Variants in ANKS1B observed in about 807,000 individuals in gnomAD.
The protein encoded by ANKS1B is ankyrin repeat and sterile alpha motif domain-containing protein 1B.
Under a neutral mutation model 148.3 loss-of-function variants are expected in ANKS1B, and 36 were observed. That is an observed-to-expected ratio of 0.24 (90% CI 0.19 to 0.32). The LOEUF is 0.32. Ranked by LOEUF, ANKS1B falls within the 10% of genes least tolerant of loss-of-function variation. The probability of loss-of-function intolerance (pLI) is 1.00; values close to 1 mark genes in which losing one functional copy is unlikely to be tolerated. For missense variants in ANKS1B, 1,157 were observed against 1,542.6 expected (o/e 0.75, Z 4.19); for synonymous variants, 542 against 560.8 (o/e 0.97, Z 0.47).
chr12:99,228,290 ATTTAC>A (rs1292024839), intron 14 of ANKS1B, among the ~76,000 whole-genome samples: 1 of 152,142 alleles, frequency 6.6e-6, no homozygotes, highest in Admixed American at 6.6e-5. Context: ...TTCATAAGTT[ATTTAC>A]TTTACTAAAG....
chr12:98,827,092 T>G (rs576509949), intron 19 of ANKS1B, among the ~76,000 whole-genome samples: 12 of 152,306 alleles, frequency 7.9e-5, no homozygotes, highest in African/African-American at 2.9e-4. Context: ...AAAGCAGTAT[T>G]TTTAAGAGGT....
chr12:98,961,660 CA>C (rs1159576600), intron 17 of ANKS1B, among the ~76,000 whole-genome samples: 1 of 151,906 alleles, frequency 6.6e-6, no homozygotes, highest in Non-Finnish European at 1.5e-5. Flanking sequence ...ATCAACCAAT[CA>C]AAAATAATAA....
intron 1 of ANKS1B, among the ~76,000 whole-genome samples, chr12:99,863,362 T>A: frequency 6.6e-6 from 1 of 152,144 alleles, no homozygotes; most frequent in Admixed American, 6.6e-5. Context: ...ATTCTCTCAA[T>A]CCTTCAAGCA....
chr12:99,644,934 G>A lies in ANKS1B; in HGVS notation c.1272+10133C>T, dbSNP rs369848251. Among the ~76,000 whole-genome samples, 272 of 152,088 alleles carry A rather than the reference G, an allele frequency of 1.8e-3. 7 individuals are homozygous for A. The South Asian group carries it at 0.047, about 26-fold the overall frequency. ...CTACTTCCATCATCACATATCTTCT[G>A]ACTCTGACCCTGCTGCCTTTCTCTT... On this transcript the variant is annotated intron_variant, in intron 9 of 26. Coordinates refer to ENST00000683438, the MANE Select transcript of ANKS1B (RefSeq NM_001352186.2).
At chr12:99,929,779 C>G (rs1303394998) in intron 1 of ANKS1B, among the ~76,000 whole-genome samples, 6 of 152,076 alleles carry the variant, frequency 3.9e-5, no homozygotes, top group Non-Finnish European at 8.8e-5. Context: ...GCTTGTTTTT[C>G]TCAGGTTTGT....
At chr12:98,878,761 C>A (rs1318206743) in intron 17 of ANKS1B, among the ~76,000 whole-genome samples, 3 of 152,152 alleles carry the variant, frequency 2.0e-5, no homozygotes, top group Non-Finnish European at 4.4e-5. Flanking sequence ...ATAATTGATA[C>A]AACCGATAAT....
chr12:99,248,261 A>C lies in ANKS1B; in HGVS notation c.1757-1397T>G, dbSNP rs938099825. ...GTGAAGATTGGCCCCAGGTGTCTATACTGCTCTCCGCCTGGGAACTGGTGA... is the reference window on the plus strand; with the variant it reads ...GTGAAGATTGGCCCCAGGTGTCTATCCTGCTCTCCGCCTGGGAACTGGTGA... On this transcript the variant is annotated intron_variant, in intron 12 of 26. Coordinates refer to ENST00000683438, the MANE Select transcript of ANKS1B (RefSeq NM_001352186.2). Among the ~76,000 whole-genome samples, 67 of 152,208 alleles carry C rather than the reference A, an allele frequency of 4.4e-4. 1 individual carries two copies. Among genetic ancestry groups the C allele is most frequent in the African/African-American group, 1.6e-3 (65 of 41,464 alleles).
chr12:98,861,616 C>T (rs1462694904), intron 17 of ANKS1B, among the ~76,000 whole-genome samples: 1 of 152,128 alleles, frequency 6.6e-6, no homozygotes, highest in Non-Finnish European at 1.5e-5. Flanking sequence ...CAAGAAAAAG[C>T]CCACAATAAT....
intron 17 of ANKS1B, among the ~76,000 whole-genome samples, chr12:98,914,500 G>A (rs2099791378): frequency 6.6e-6 from 1 of 152,066 alleles, no homozygotes; most frequent in Admixed American, 6.6e-5. Flanking sequence ...AAGAGTAAAA[G>A]CCAAAGAAAG....
rs1181240524 is a variant in ANKS1B at position 99,627,723 on chromosome 12, T to A, written c.1272+27344A>T. 2.6e-5 allele frequency among the ~76,000 whole-genome samples: 4 copies of A among 152,046 alleles called. No individual in the cohort carries two copies. The East Asian group carries it at 7.7e-4, about 29-fold the overall frequency. On this transcript the variant is annotated intron_variant, in intron 9 of 26. Coordinates refer to ENST00000683438, the MANE Select transcript of ANKS1B (RefSeq NM_001352186.2). Reference sequence around the variant, plus strand: ...CATTTGTCAGAAACAAATGTTATCATCTAAAAGAAGAGATAAAACATGTAT... The same window carrying A: ...CATTTGTCAGAAACAAATGTTATCAACTAAAAGAAGAGATAAAACATGTAT...
At chr12:99,609,712 C>G (rs774018485) in intron 9 of ANKS1B, among the ~76,000 whole-genome samples, 5 of 151,934 alleles carry the variant, frequency 3.3e-5, no homozygotes, top group Admixed American at 2.6e-4. Context: ...GATGTAAAAA[C>G]GAGACAAACA....
chr12:98,903,155 A>T (rs2099774433), intron 17 of ANKS1B, among the ~76,000 whole-genome samples: 1 of 152,188 alleles, frequency 6.6e-6, no homozygotes, highest in South Asian at 2.1e-4. Context: ...ATATTAAAAC[A>T]TAATTTGGGG....
At chr12:98,863,175 T>G (rs1418816962) in intron 17 of ANKS1B, among the ~76,000 whole-genome samples, 2 of 152,230 alleles carry the variant, frequency 1.3e-5, no homozygotes, top group African/African-American at 4.8e-5. Flanking sequence ...AATTAAGTTT[T>G]TACATTCAGT....
intron 22 of ANKS1B, among the ~76,000 whole-genome samples, chr12:98,784,124 C>T (rs1487186217): frequency 2.0e-5 from 3 of 152,148 alleles, no homozygotes; most frequent in African/African-American, 7.2e-5. Context: ...TTTGCGTAAG[C>T]ATAATGGAAA....
intron 15 of ANKS1B, among the ~76,000 whole-genome samples, chr12:99,094,881 C>A (rs376453346): frequency 6.6e-6 from 1 of 152,016 alleles, no homozygotes. Context: ...ACTCTGGATT[C>A]GGTGTGGAGA....
At chr12:99,928,275 T>TTG (rs532845152) in intron 1 of ANKS1B, among the ~76,000 whole-genome samples, 1 of 131,232 alleles carries the variant, frequency 7.6e-6, no homozygotes, top group African/African-American at 2.7e-5. Context: ...TATTTTATTT[T>TTG]TTTTTTTTTT....
intron 4 of ANKS1B, among the ~76,000 whole-genome samples, chr12:99,798,161 G>A (rs2066474768): frequency 6.6e-6 from 1 of 151,848 alleles, no homozygotes. Context: ...AGAATAATGA[G>A]ATAAAGACCG....
intron 12 of ANKS1B, among the ~76,000 whole-genome samples, chr12:99,398,673 C>T (rs1462515335): frequency 1.3e-5 from 2 of 152,066 alleles, no homozygotes; most frequent in African/African-American, 4.8e-5. Context: ...CTGCTGTAAC[C>T]TGAAACCAGT....
intron 19 of ANKS1B, among the ~76,000 whole-genome samples, chr12:98,818,991 C>T (rs746507184): frequency 6.6e-6 from 1 of 152,122 alleles, no homozygotes; most frequent in Non-Finnish European, 1.5e-5. Flanking sequence ...AGAAAGCTCA[C>T]AGTTTTTTTT....
Sources: gnomAD v4.1 joint callset for allele counts (sites outside exome capture counted in the v4.1 genomes callset) on GRCh38, gnomAD v4.1.1 for gene constraint, MANE v1.5 for transcripts, NCBI Gene and HGNC (gene_info 2026-07-23, HGNC 2026-07-21) for gene names.